Variants in ANKRD30BL observed in about 807,000 individuals in gnomAD.
ANKRD30BL encodes the protein ankyrin repeat domain 30B like, also known as putative ankyrin repeat domain-containing protein 30B-like.
In ANKRD30BL, 20 loss-of-function variants were observed where a neutral mutation model predicts 18.4. That is an observed-to-expected ratio of 1.09 (90% CI 0.77 to 1.58). The LOEUF (loss-of-function observed/expected upper bound fraction) is 1.58. ANKRD30BL is among the 40% of genes most tolerant of loss of function. ANKRD30BL has a pLI of 0.00. For synonymous variants in ANKRD30BL, 72 were observed against 100.9 expected (o/e 0.71, Z 1.72); for missense variants, 224 against 268.6 (o/e 0.83, Z 1.16).
At chr2:132,205,993 A>G (rs1277415318) in intron 1 of ANKRD30BL, among the ~76,000 whole-genome samples, 1 of 152,044 alleles carries the variant, frequency 6.6e-6, no homozygotes, top group Non-Finnish European at 1.5e-5. Context: ...CCCCATCTCT[A>G]CTAAAAATAC....
chr2:132,171,613 C>T (rs182656164), intron 1 of ANKRD30BL, among the ~76,000 whole-genome samples: 146 of 152,262 alleles, frequency 9.6e-4, no homozygotes, highest in Middle Eastern at 6.8e-3. Flanking sequence ...TTCCAATTCC[C>T]TTTTTCTAAT....
chr2:132,180,543 C>T (rs189834943), intron 1 of ANKRD30BL, among the ~76,000 whole-genome samples: 26 of 152,240 alleles, frequency 1.7e-4, no homozygotes, highest in Non-Finnish European at 3.7e-4. Flanking sequence ...GTTCCAGGCA[C>T]TGCTTTATGC....
rs369677548 is a variant in ANKRD30BL at position 132,220,624 on chromosome 2, C to T, written n.441+36905G>A. On this transcript the variant is annotated intron_variant and non_coding_transcript_variant, in intron 1 of 4. Transcript: ENST00000470729. ...CGAGTGATCCGCCAGCCTCGGCCTC[C>T]CGAGGTGCCGGGATTGCAGACGGAG... 4.6e-5 allele frequency among the ~76,000 whole-genome samples: 7 copies of T among 152,220 alleles called. 1 individual carries two copies. The South Asian group carries it at 1.5e-3, about 32-fold the overall frequency.
intron 1 of ANKRD30BL, among the ~76,000 whole-genome samples, chr2:132,225,942 C>A (rs1339719323): frequency 2.0e-5 from 3 of 152,192 alleles, no homozygotes; most frequent in East Asian, 3.9e-4. Flanking sequence ...GTTTGAAACA[C>A]TCTTTTTGCA....
intron 1 of ANKRD30BL, among the ~76,000 whole-genome samples, chr2:132,159,883 A>T (rs1688009767): frequency 1.3e-5 from 2 of 151,902 alleles, no homozygotes; most frequent in Admixed American, 6.5e-5. Flanking sequence ...TTGTATATTA[A>T]AAAAATTTAA....
chr2:132,178,823 C>T (rs917819960), intron 1 of ANKRD30BL, among the ~76,000 whole-genome samples: 3 of 151,704 alleles, frequency 2.0e-5, no homozygotes, highest in Non-Finnish European at 2.9e-5. Context: ...TGTGTTGGTA[C>T]TATTAAACAT....
chr2:132,254,178 A>G (rs374999194), intron 1 of ANKRD30BL, among the ~76,000 whole-genome samples: 1 of 151,518 alleles, frequency 6.6e-6, no homozygotes, highest in African/African-American at 2.4e-5. Context: ...CCCCACACGC[A>G]TGTCTCTTTC....
At chr2:132,221,698 A>T (rs1174280893) in intron 1 of ANKRD30BL, among the ~76,000 whole-genome samples, 1 of 73,326 alleles carries the variant, frequency 1.4e-5, no homozygotes. Context: ...AGGTGGGGGG[A>T]TCAGCCCCCT....
chr2:132,205,867 A>G (rs931715124), intron 1 of ANKRD30BL, among the ~76,000 whole-genome samples: 1 of 152,094 alleles, frequency 6.6e-6, no homozygotes, highest in African/African-American at 2.4e-5. Flanking sequence ...TGAGATTTCA[A>G]TGGGTGAAAG....
At chr2:132,214,873 A>G (rs1573850613) in intron 1 of ANKRD30BL, among the ~76,000 whole-genome samples, 1 of 152,084 alleles carries the variant, frequency 6.6e-6, no homozygotes, top group African/African-American at 2.4e-5. Flanking sequence ...CTTTCTGAGC[A>G]ACTTCTTTGT....
chr2:132,227,761 G>C (rs1434580026), intron 1 of ANKRD30BL, among the ~76,000 whole-genome samples: 2 of 152,014 alleles, frequency 1.3e-5, no homozygotes, highest in Non-Finnish European at 2.9e-5. Context: ...AATCTTCTTT[G>C]TGATGTGTGC....
chr2:132,215,706 T>C (rs377172948), intron 1 of ANKRD30BL, among the ~76,000 whole-genome samples: 4 of 149,134 alleles, frequency 2.7e-5, no homozygotes, highest in Non-Finnish European at 4.5e-5. Context: ...TTCACATAAA[T>C]ATTAGACAGA....
intron 1 of ANKRD30BL, among the ~76,000 whole-genome samples, chr2:132,195,460 T>A (rs1340630995): frequency 6.6e-6 from 1 of 151,588 alleles, no homozygotes; most frequent in Non-Finnish European, 1.5e-5. Flanking sequence ...TCCTTTTAAG[T>A]GAGTACACTT....
chr2:132,221,477 C>T (rs1326482026), intron 1 of ANKRD30BL, among the ~76,000 whole-genome samples: 1 of 126,352 alleles, frequency 7.9e-6, no homozygotes, highest in East Asian at 2.4e-4. Flanking sequence ...GGCGCCTCTG[C>T]CTGGCCGCCC....
chr2:132,250,015 C>T (rs139070774), intron 1 of ANKRD30BL, among the ~76,000 whole-genome samples: 16 of 152,034 alleles, frequency 1.1e-4, no homozygotes, highest in South Asian at 8.3e-4. Flanking sequence ...GGCCTCAAAG[C>T]GCTCACAAAT....
At chr2:132,186,779 C>T (rs1688567539) in intron 1 of ANKRD30BL, among the ~76,000 whole-genome samples, 1 of 152,044 alleles carries the variant, frequency 6.6e-6, no homozygotes, top group African/African-American at 2.4e-5. Flanking sequence ...AATATAGTCA[C>T]TGACTGAAGG....
intron 1 of ANKRD30BL, among the ~76,000 whole-genome samples, chr2:132,205,622 A>T (rs540282912): frequency 2.2e-3 from 328 of 147,734 alleles, no homozygotes; most frequent in African/African-American, 7.3e-3. Context: ...AAGAAAAAAG[A>T]AAAAAAGAAA....
At chr2:132,212,652 G>C (rs1401039221) in intron 1 of ANKRD30BL, among the ~76,000 whole-genome samples, 2 of 151,706 alleles carry the variant, frequency 1.3e-5, no homozygotes, top group Non-Finnish European at 3.0e-5. Flanking sequence ...TTAAGTACTA[G>C]ACAGAATAAT....
In ANKRD30BL at chr2:132,184,818, C is replaced by CT. The variant is rs976214345; in HGVS notation, n.442-27673dup. On this transcript the variant is annotated intron_variant and non_coding_transcript_variant, in intron 1 of 4. Transcript: ENST00000470729. ...AATGGAATTAAGAAGCTTCAAAATTCTTTTTTTTTTTTTGAGATGGAGTCT... is the reference window on the plus strand; with the variant it reads ...AATGGAATTAAGAAGCTTCAAAATTCTTTTTTTTTTTTTTGAGATGGAGTCT... 7.1e-3 allele frequency among the ~76,000 whole-genome samples: 1,014 copies of CT among 142,544 alleles called. 15 individuals carry two copies. Among genetic ancestry groups the CT allele is most frequent in the African/African-American group, 0.016 (608 of 39,114 alleles). The allele number at this position is 142,544 out of a possible 152,430, so 93.5% of individuals were successfully genotyped here. A position where few individuals can be genotyped will look rare whatever the true frequency, so the allele number is the denominator to read the frequency against.
Sources: allele counts gnomAD v4.1 joint callset (sites outside exome capture counted in the v4.1 genomes callset), GRCh38; gene constraint gnomAD v4.1.1; transcripts MANE v1.5; gene names NCBI Gene and HGNC (gene_info 2026-07-23, HGNC 2026-07-21).